RSRC1: variants seen among roughly 807,000 people sequenced by gnomAD.
RSRC1 encodes the protein arginine and serine rich coiled-coil 1, also known as serine/Arginine-related protein 53.
A neutral mutation model predicts 49.1 loss-of-function variants in RSRC1; 39 were observed. The observed-to-expected ratio is 0.79, with a 90% confidence interval of 0.61 to 1.04. The LOEUF is 1.04. Ranked by LOEUF, RSRC1 falls within the 50% of genes least tolerant of loss-of-function variation. RSRC1 has a pLI of 0.00. For synonymous variants in RSRC1, 143 were observed against 130.8 expected (o/e 1.09, Z -0.63); for missense variants, 388 against 402.4 (o/e 0.96, Z 0.31).
intron 6 of RSRC1, among the ~76,000 whole-genome samples, chr3:158,422,026 T>C (rs1735090679): frequency 6.6e-6 from 1 of 151,382 alleles, no homozygotes; most frequent in Non-Finnish European, 1.5e-5. Flanking sequence ...TTGATTTTAT[T>C]TGATGTATAT....
chr3:158,281,640 G>A (rs1726177423), intron 4 of RSRC1, among the ~76,000 whole-genome samples: 1 of 152,146 alleles, frequency 6.6e-6, no homozygotes, highest in Non-Finnish European at 1.5e-5. Context: ...GTGAGGAAAG[G>A]CTATGAAGTA....
chr3:158,327,376 T>C (rs1729223479), intron 5 of RSRC1, among the ~76,000 whole-genome samples: 1 of 152,236 alleles, frequency 6.6e-6, no homozygotes, highest in African/African-American at 2.4e-5. Context: ...TTTAGTGCTA[T>C]AAATTCCCCT....
At chr3:158,420,507 G>C (rs544887987) in intron 6 of RSRC1, among the ~76,000 whole-genome samples, 30 of 151,984 alleles carry the variant, frequency 2.0e-4, no homozygotes, top group African/African-American at 6.5e-4. Flanking sequence ...CCACTAATTA[G>C]CTGTGTCACT....
chr3:158,437,228 A>T lies in RSRC1; in HGVS notation c.584-23707A>T, dbSNP rs773522123. On this transcript the variant is annotated intron_variant, in intron 6 of 9. Coordinates refer to ENST00000611884, the MANE Select transcript of RSRC1 (RefSeq NM_001271838.2). Reference sequence around the variant, plus strand: ...CAGTATAAATAAGTAATATTTTGCTATTTGCTATTTTGATGGAATAAGTGT... The same window carrying T: ...CAGTATAAATAAGTAATATTTTGCTTTTTGCTATTTTGATGGAATAAGTGT... Among the ~76,000 whole-genome samples the T allele has an allele frequency of 1.2e-3, 185 of 151,882 alleles. 1 individual carries two copies. The highest frequency in any genetic ancestry group is 1.5e-3 in the Non-Finnish European group (104 of 67,932).
rs56987573 is a variant in RSRC1 at position 158,412,649 on chromosome 3, G to A, written c.584-48286G>A. Among the ~76,000 whole-genome samples, 343 of 152,062 alleles carry A rather than the reference G, an allele frequency of 2.3e-3. 1 individual carries two copies. Among genetic ancestry groups the A allele is most frequent in the Non-Finnish European group, 4.1e-3 (281 of 67,998 alleles). On this transcript the variant is annotated intron_variant, in intron 6 of 9. Transcript: ENST00000611884. ...CTACCATAAATCATTTTCTTAAAGG[G>A]TTAAGATAAAAATTTAATAATCAGC...
intron 5 of RSRC1, among the ~76,000 whole-genome samples, chr3:158,310,611 G>A (rs1363915532): frequency 6.6e-6 from 1 of 151,740 alleles, no homozygotes; most frequent in Non-Finnish European, 1.5e-5. Flanking sequence ...TTATTCTAAA[G>A]TTAAGTGTAG....
chr3:158,123,816 T>C, intron 2 of RSRC1, 50 bp from the exon 3 acceptor site: 1 of 1,546,846 alleles, frequency 6.5e-7, no homozygotes, highest in Non-Finnish European at 8.8e-7. Flanking sequence ...TCCTTAATGC[T>C]CATAATAAAA....
intron 7 of RSRC1, among the ~76,000 whole-genome samples, chr3:158,515,471 G>T (rs1021709321): frequency 7.3e-6 from 1 of 137,436 alleles, no homozygotes; most frequent in Non-Finnish European, 1.6e-5. Flanking sequence ...GAGATCCGCT[G>T]TTAGTCTGAT....
intron 6 of RSRC1, among the ~76,000 whole-genome samples, chr3:158,404,976 G>C (rs1311619212): frequency 6.6e-6 from 1 of 151,902 alleles, no homozygotes; most frequent in Non-Finnish European, 1.5e-5. Context: ...AAATCACTGT[G>C]ATTATTGTTA....
At chr3:158,528,092 T>C (rs1417601476) in intron 7 of RSRC1, among the ~76,000 whole-genome samples, 1 of 151,834 alleles carries the variant, frequency 6.6e-6, no homozygotes, top group Non-Finnish European at 1.5e-5. Flanking sequence ...TCATGGATGT[T>C]CATTATATAT....
chr3:158,327,028 T>C (rs372338785), intron 5 of RSRC1, among the ~76,000 whole-genome samples: 25 of 152,344 alleles, frequency 1.6e-4, no homozygotes, highest in East Asian at 7.7e-4. Context: ...GAGGTGTTTA[T>C]AGTATTCTCT....
At chr3:158,398,616 A>T (rs1268175111) in intron 6 of RSRC1, among the ~76,000 whole-genome samples, 1 of 152,202 alleles carries the variant, frequency 6.6e-6, no homozygotes, top group Non-Finnish European at 1.5e-5. Context: ...GGACACAGAC[A>T]TTCAAACCAT....
intron 5 of RSRC1, among the ~76,000 whole-genome samples, chr3:158,334,432 G>A (rs555930523): frequency 6.6e-6 from 1 of 151,948 alleles, no homozygotes; most frequent in Non-Finnish European, 1.5e-5. Context: ...TGCTTTTATG[G>A]GAGAATCTCT....
At chr3:158,129,962 G>C (rs947720481) in intron 3 of RSRC1, among the ~76,000 whole-genome samples, 1 of 152,116 alleles carries the variant, frequency 6.6e-6, no homozygotes, top group Non-Finnish European at 1.5e-5. Context: ...ATGTTATGTA[G>C]TTTTCATTAT....
intron 5 of RSRC1, among the ~76,000 whole-genome samples, chr3:158,325,358 T>G (rs957866902): frequency 2.6e-5 from 4 of 152,202 alleles, no homozygotes; most frequent in African/African-American, 9.7e-5. Flanking sequence ...TTTTATGGTT[T>G]TAGGTCTAAG....
intron 7 of RSRC1, among the ~76,000 whole-genome samples, chr3:158,517,043 A>G (rs1282345755): frequency 2.0e-5 from 3 of 152,210 alleles, no homozygotes; most frequent in African/African-American, 7.2e-5. Flanking sequence ...GGAAATGCAG[A>G]AATCACCCGT....
At chr3:158,196,925 G>A (rs940520210) in intron 3 of RSRC1, among the ~76,000 whole-genome samples, 4 of 152,082 alleles carry the variant, frequency 2.6e-5, no homozygotes, top group Non-Finnish European at 4.4e-5. Context: ...GAGGATTTTT[G>A]CATCGATGTT....
At chr3:158,218,108 G>T (rs973088217) in intron 4 of RSRC1, among the ~76,000 whole-genome samples, 4 of 151,564 alleles carry the variant, frequency 2.6e-5, no homozygotes, top group African/African-American at 9.7e-5. Flanking sequence ...AAACAGATAG[G>T]GGCTAGACTA....
intron 3 of RSRC1, among the ~76,000 whole-genome samples, chr3:158,190,470 A>C (rs1198322783): frequency 6.6e-6 from 1 of 151,466 alleles, no homozygotes; most frequent in Non-Finnish European, 1.5e-5. Context: ...TTATTATATG[A>C]GCACCTTATA....
Sources: gnomAD v4.1 joint callset for allele counts (sites outside exome capture counted in the v4.1 genomes callset) on GRCh38, gnomAD v4.1.1 for gene constraint, MANE v1.5 for transcripts, NCBI Gene and HGNC (gene_info 2026-07-23, HGNC 2026-07-21) for gene names.